Variants in NFYB observed in about 807,000 individuals in gnomAD.
NFYB encodes the protein nuclear transcription factor Y subunit beta.
A neutral mutation model predicts 28.0 loss-of-function variants in NFYB; 13 were observed. That is an observed-to-expected ratio of 0.46 (90% confidence interval 0.30 to 0.74). The LOEUF (loss-of-function observed/expected upper bound fraction) is 0.74, where lower values mean the gene tolerates loss of function less well. NFYB is among the 30% of genes least tolerant of loss of function. NFYB has a pLI of 0.07. For synonymous variants in NFYB, 74 were observed against 75.0 expected (o/e 0.99, Z 0.07); for missense variants, 142 against 247.6 (o/e 0.57, Z 2.86).
chr12:104,135,322 C>T, intron 2 of NFYB, 126 bp downstream of exon 2: 2 of 719,046 alleles, frequency 2.8e-6, no homozygotes, highest in Non-Finnish European at 4.5e-6. Context: ...AGCAGAGGTA[C>T]TGTCTGTCTA....
At chr12:104,128,967 C>T (rs909803165) in intron 2 of NFYB, among the ~76,000 whole-genome samples, 6 of 152,158 alleles carry the variant, frequency 3.9e-5, no homozygotes, top group Non-Finnish European at 7.4e-5. Flanking sequence ...CGCAACCAGC[C>T]TATATTTCTT....
chr12:104,127,288 C>T (rs1405733608), intron 3 of NFYB, among the ~76,000 whole-genome samples: 1 of 152,094 alleles, frequency 6.6e-6, no homozygotes, highest in Non-Finnish European at 1.5e-5. Flanking sequence ...TTTTACAAAT[C>T]AGGCCAGGCG....
intron 5 of NFYB, among the ~76,000 whole-genome samples, chr12:104,122,683 C>T (rs571392467): frequency 6.6e-6 from 1 of 152,268 alleles, no homozygotes; most frequent in South Asian, 2.1e-4. Flanking sequence ...ATCTACCCCT[C>T]GCACCCCTCC....
intron 1 of NFYB, 56 bp from the exon 2 acceptor site, chr12:104,135,588 A>G: frequency 3.0e-6 from 2 of 677,172 alleles, no homozygotes; most frequent in Non-Finnish European, 4.8e-6. Flanking sequence ...AAATACATCA[A>G]ATGTATCACT....
chr12:104,128,330 A>C (rs2030796968), intron 3 of NFYB, 94 bp downstream of exon 3: 2 of 770,186 alleles, frequency 2.6e-6, no homozygotes, highest in Admixed American at 2.6e-5. Context: ...TTTTCCTATA[A>C]AGACACAAGT....
chr12:104,124,470 T>C (rs1235380886), intron 4 of NFYB, among the ~76,000 whole-genome samples: 1 of 152,164 alleles, frequency 6.6e-6, no homozygotes, highest in African/African-American at 2.4e-5. Flanking sequence ...ATGCCTATTT[T>C]CCATACTGGA....
intron 4 of NFYB, 76 bp downstream of exon 4, chr12:104,126,038 G>C: frequency 7.2e-7 from 1 of 1,395,074 alleles, no homozygotes; most frequent in African/African-American, 1.5e-5. Context: ...ACAGCTAACT[G>C]TACCCATGAC....
chr12:104,131,554 TCA>T (rs1239505120), intron 2 of NFYB: 1 of 349,576 alleles, frequency 2.9e-6, no homozygotes, highest in Non-Finnish European at 5.6e-6. Flanking sequence ...TACCTTTCAC[TCA>T]ATAAGTCAAC....
rs1239213271 is a variant in NFYB, at chr12:104,119,495, ACT to A, written c.*240_*241del. On this transcript the variant is annotated 3_prime_UTR_variant, in exon 8 of 8. Transcript: ENST00000240055. Reference sequence around the variant, plus strand: ...ATACAGGAGTCATACAGAGCAACAAACTCTCGTACAAAACAAAAATATTTTAA... The same window carrying A: ...ATACAGGAGTCATACAGAGCAACAAACTCGTACAAAACAAAAATATTTTAA... 3 of 395,710 alleles carry A rather than the reference ACT, an allele frequency of 7.6e-6. No homozygotes were observed. Among genetic ancestry groups the A allele is most frequent in the Non-Finnish European group, 1.4e-5 (3 of 217,944 alleles). 24.5% of individuals were successfully genotyped at this position (395,710 alleles called of 1,614,324 possible).
At chr12:104,132,420 T>G (rs1267880786) in intron 2 of NFYB, among the ~76,000 whole-genome samples, 2 of 151,796 alleles carry the variant, frequency 1.3e-5, no homozygotes, top group African/African-American at 4.8e-5. Context: ...AAAAAATCCC[T>G]CTGGCTACAG....
intron 2 of NFYB, chr12:104,131,273 C>A (rs544907374): frequency 6.5e-6 from 1 of 153,160 alleles, no homozygotes; most frequent in East Asian, 1.9e-4. Flanking sequence ...GTGTTTGGCA[C>A]GTAGTGTACC....
chr12:104,134,614 A>T (rs2031040474), intron 2 of NFYB, among the ~76,000 whole-genome samples: 1 of 152,172 alleles, frequency 6.6e-6, no homozygotes, highest in Non-Finnish European at 1.5e-5. Flanking sequence ...ATACTCTTGA[A>T]CCTATTCTCA....
At chr12:104,123,571 G>A in intron 4 of NFYB, 148 bp from the exon 5 acceptor site, 2 of 647,992 alleles carry the variant, frequency 3.1e-6, no homozygotes, top group South Asian at 2.0e-5. Flanking sequence ...AACACAATGT[G>A]TGCTATCAAA....
chr12:104,133,674 C>T (rs1299261504), intron 2 of NFYB, among the ~76,000 whole-genome samples: 1 of 152,156 alleles, frequency 6.6e-6, no homozygotes, highest in Admixed American at 6.5e-5. Flanking sequence ...ATTATTCTTC[C>T]AGGCAGAGAT....
intron 1 of NFYB, chr12:104,137,426 C>T (rs979983963): frequency 6.6e-6 from 1 of 152,422 alleles, no homozygotes; most frequent in Non-Finnish European, 1.5e-5. Context: ...GCATTCTTTA[C>T]GCGCAAACCA....
chr12:104,128,481 G>C lies in NFYB; in HGVS notation c.43C>G (p.Leu15Val), dbSNP rs2030806989. The change falls in exon 3 of 8, where the codon CTA becomes GTA. Residue 15 changes from leucine to valine, a missense_variant. This residue lies in a region of NFYB where 54 missense variants were observed against 58.1 expected (regional missense o/e 0.93). Coordinates refer to ENST00000240055, the MANE Select transcript of NFYB (RefSeq NM_006166.4). ...CCAATATAGTCTGCAGAGATTCCTAGTTGAGAAGCATCTGTTGTAGAACTG... is the reference window on the plus strand; with the variant it reads ...CCAATATAGTCTGCAGAGATTCCTACTTGAGAAGCATCTGTTGTAGAACTG... ...GDSSTTDASQ[L>V]GISADYIGGS... The C allele has an allele frequency of 1.2e-6, 2 of 1,612,870 alleles. No homozygotes were observed. Among genetic ancestry groups the C allele is most frequent in the Middle Eastern group, 1.7e-4 (1 of 6,038 alleles).
At position 104,118,381 on chromosome 12, in the gene NFYB, T is replaced by C. The variant is rs2030340502; in HGVS notation, c.*1356A>G. 6.6e-6 allele frequency: 1 copy of C among 152,584 alleles called. No individual in the cohort carries two copies. Among genetic ancestry groups the C allele is most frequent in the South Asian group, 2.1e-4 (1 of 4,834 alleles). The allele number at this position is 152,584 out of a possible 1,614,324, so 9.5% of individuals were successfully genotyped here. A position where few individuals can be genotyped will look rare whatever the true frequency, so the allele number is the denominator to read the frequency against. ...TAACCTCTGATTAGCCCACATATAC[T>C]CCTAAAGGCTCCTTCTGGCAAAGTA... On this transcript the variant is annotated 3_prime_UTR_variant, in exon 8 of 8. Coordinates refer to ENST00000240055, the MANE Select transcript of NFYB (RefSeq NM_006166.4).
intron 1 of NFYB, among the ~76,000 whole-genome samples, chr12:104,136,540 G>A (rs753825405): frequency 2.8e-4 from 42 of 152,104 alleles, no homozygotes; most frequent in Non-Finnish European, 5.0e-4. Flanking sequence ...AAACTGCTCA[G>A]AAAAGTCCTT....
chr12:104,120,267 C>A, intron 7 of NFYB, 133 bp downstream of exon 7: 1 of 622,654 alleles, frequency 1.6e-6, no homozygotes, highest in Non-Finnish European at 2.9e-6. Flanking sequence ...GTTGGCCAGG[C>A]TGGTCTTGAA....
Sources: allele counts gnomAD v4.1 joint callset (sites outside exome capture counted in the v4.1 genomes callset), GRCh38; gene constraint gnomAD v4.1.1; regional missense constraint gnomAD v4.1.1; transcripts MANE v1.5; gene names NCBI Gene and HGNC (gene_info 2026-07-23, HGNC 2026-07-21).